Variants in PABPC4L observed in about 807,000 individuals in gnomAD.
PABPC4L encodes polyadenylate-binding protein 4-like.
For synonymous variants in PABPC4L, 169 were observed against 164.1 expected (o/e 1.03, Z -0.23); for missense variants, 452 against 451.4 (o/e 1.00, Z -0.01).
At chr4:133,970,884 C>G in the PABPC4L span, among the ~76,000 whole-genome samples, 1 of 152,110 alleles carries the variant, frequency 6.6e-6, no homozygotes, top group African/African-American at 2.4e-5. Flanking sequence ...AAAATCTGCC[C>G]AATACCTTGT....
chr4:133,952,550 T>C, the PABPC4L span, among the ~76,000 whole-genome samples: 26,976 of 152,086 alleles, frequency 0.18, 3,041 homozygotes, highest in Middle Eastern at 0.25. Context: ...CTTTAATTAA[T>C]TTCTCTATTA....
the PABPC4L span, among the ~76,000 whole-genome samples, chr4:133,972,285 A>T: frequency 6.6e-6 from 1 of 152,222 alleles, no homozygotes; most frequent in South Asian, 2.1e-4. Flanking sequence ...TCTAGTTGCT[A>T]GTCCAGAACC....
chr4:134,002,158 T>G, the PABPC4L span, among the ~76,000 whole-genome samples: 1 of 151,948 alleles, frequency 6.6e-6, no homozygotes, highest in Non-Finnish European at 1.5e-5. Flanking sequence ...GCATAATAAT[T>G]GGACAGCTTC....
the PABPC4L span, among the ~76,000 whole-genome samples, chr4:134,147,521 T>G: frequency 6.6e-6 from 1 of 152,142 alleles, no homozygotes; most frequent in Admixed American, 6.6e-5. Flanking sequence ...GGGTTTATTA[T>G]ATAGGAGATA....
chr4:134,083,710 C>T, the PABPC4L span, among the ~76,000 whole-genome samples: 10 of 152,264 alleles, frequency 6.6e-5, no homozygotes, highest in South Asian at 2.1e-3. Flanking sequence ...ATTCAGATCA[C>T]TGTTCTAAAT....
At chr4:134,077,673 C>T in the PABPC4L span, among the ~76,000 whole-genome samples, 14 of 152,110 alleles carry the variant, frequency 9.2e-5, no homozygotes, top group African/African-American at 1.7e-4. Flanking sequence ...ATATCCTTTA[C>T]GCTTTTTTGT....
chr4:134,083,204 T>C, the PABPC4L span, among the ~76,000 whole-genome samples: 4 of 152,306 alleles, frequency 2.6e-5, no homozygotes, highest in East Asian at 5.8e-4. Flanking sequence ...ATGGTTTACA[T>C]TGAGTCTCTG....
At chr4:134,179,650 A>G in the PABPC4L span, among the ~76,000 whole-genome samples, 2 of 152,124 alleles carry the variant, frequency 1.3e-5, no homozygotes, top group African/African-American at 4.8e-5. Context: ...ACCATCTCAC[A>G]TGCAATGACA....
the PABPC4L span, among the ~76,000 whole-genome samples, chr4:133,970,989 G>C: frequency 6.6e-6 from 1 of 151,582 alleles, no homozygotes; most frequent in African/African-American, 2.4e-5. Context: ...AGCCCAAACA[G>C]ACTAAGACAA....
the PABPC4L span, among the ~76,000 whole-genome samples, chr4:134,097,283 A>G: frequency 6.6e-6 from 1 of 151,914 alleles, no homozygotes; most frequent in Non-Finnish European, 1.5e-5. Flanking sequence ...TGAAAGAAGG[A>G]GACTCAAAAG....
the PABPC4L span, among the ~76,000 whole-genome samples, chr4:134,018,429 G>T: frequency 6.6e-6 from 1 of 152,054 alleles, no homozygotes; most frequent in Non-Finnish European, 1.5e-5. Context: ...CATATCACAG[G>T]CATTTGGTGT....
chr4:134,122,088 TACCATATCCAG>T, the PABPC4L span, among the ~76,000 whole-genome samples: 1 of 151,852 alleles, frequency 6.6e-6, no homozygotes, highest in African/African-American at 2.4e-5. Context: ...ACAACTACAC[TACCATATCCAG>T]AAGTAAAAAT....
the PABPC4L span, among the ~76,000 whole-genome samples, chr4:133,961,247 G>C: frequency 1.3e-5 from 2 of 152,130 alleles, no homozygotes; most frequent in Non-Finnish European, 2.9e-5. Context: ...ACTCTGTGCA[G>C]CCAACTCCCA....
In PABPC4L at chr4:134,200,414, A is replaced by G. The variant is rs1047100036; in HGVS notation, c.606T>C (p.Asp202=). 14 of 1,555,822 alleles carry G rather than the reference A, an allele frequency of 9.0e-6. No individual in the cohort carries two copies. In the Middle Eastern group the frequency reaches 5.0e-4, roughly 55 times the overall value. Residue 202 remains aspartate, a synonymous_variant, in exon 2 of 2, where the codon GAT becomes GAC. Transcript: ENST00000421491. ...TGAAAACGTCCTTCAATCTCTCATCATCCATGTCACCTCCAAAGTTTTTTA... is the reference window on the plus strand; with the variant it reads ...TGAAAACGTCCTTCAATCTCTCATCGTCCATGTCACCTCCAAAGTTTTTTA... The part of the protein sequence containing the change: ...VYIKNFGGDM[D]DERLKDVFSK...
chr4:134,200,369 CAGAGTTT>C lies in PABPC4L; in HGVS notation c.644_650del (p.Lys215ArgfsTer5). 1.3e-6 allele frequency: 2 copies of C among 1,585,154 alleles called. No individual in the cohort carries two copies. Among genetic ancestry groups the C allele is most frequent in the Non-Finnish European group, 1.7e-6 (2 of 1,164,134 alleles). On this transcript the variant is annotated frameshift_variant, in exon 2 of 2. Transcript: ENST00000421491. LOFTEE classifies it low-confidence loss of function (END_TRUNC). ...TGGAATCTGTCATCACCTTAACACTCAGAGTTTTGCCATATTTGCTGAAAACGTCCTT... is the reference window on the plus strand; with the variant it reads ...TGGAATCTGTCATCACCTTAACACTCTGCCATATTTGCTGAAAACGTCCTT...
At chr4:134,139,189 C>T in the PABPC4L span, among the ~76,000 whole-genome samples, 1 of 151,842 alleles carries the variant, frequency 6.6e-6, no homozygotes. Context: ...GAATTTTAAA[C>T]CTACTTACTT....
chr4:133,964,665 A>T, the PABPC4L span, among the ~76,000 whole-genome samples: 1 of 152,124 alleles, frequency 6.6e-6, no homozygotes, highest in African/African-American at 2.4e-5. Context: ...TGGTTCACAT[A>T]TGCAAGTCAA....
At chr4:134,050,027 T>C in the PABPC4L span, among the ~76,000 whole-genome samples, 5 of 152,292 alleles carry the variant, frequency 3.3e-5, no homozygotes, top group Non-Finnish European at 5.9e-5. Flanking sequence ...CTAAATTTAA[T>C]TAAGCAGTTT....
At chr4:134,043,170 C>T in the PABPC4L span, among the ~76,000 whole-genome samples, 1 of 123,554 alleles carries the variant, frequency 8.1e-6, no homozygotes, top group Non-Finnish European at 1.6e-5. Flanking sequence ...CACCCACACA[C>T]CATATACAGC....
Sources: gnomAD v4.1 joint callset for allele counts (sites outside exome capture counted in the v4.1 genomes callset) on GRCh38, gnomAD v4.1.1 for gene constraint, MANE v1.5 for transcripts, NCBI Gene and HGNC (gene_info 2026-07-23, HGNC 2026-07-21) for gene names.